Variants in EFTUD2 observed in about 807,000 individuals in gnomAD.
EFTUD2 encodes elongation factor Tu GTP binding domain containing 2.
EFTUD2 carries 9 observed loss-of-function variants against 114.3 expected under a neutral mutation model. That is an observed-to-expected ratio of 0.08 (90% CI 0.05 to 0.14). The LOEUF is 0.14. EFTUD2 is among the 10% of genes least tolerant of loss of function. EFTUD2 has a pLI of 1.00. For missense variants in EFTUD2, 765 were observed against 1,241.2 expected, an observed-to-expected ratio of 0.62 and a Z score of 5.76; for synonymous variants, 449 against 462.3, an observed-to-expected ratio of 0.97 and a Z score of 0.37.
chr17:44,852,177 A>G (rs1369187135), intron 26 of EFTUD2, among the ~76,000 whole-genome samples: 1 of 151,876 alleles, frequency 6.6e-6, no homozygotes, highest in Admixed American at 6.6e-5. Context: ...TCAGCCTCCC[A>G]AAGTGCTGGG....
intron 19 of EFTUD2, 25 bp from the exon 20 acceptor site, chr17:44,857,182 G>C (rs1195578142): frequency 6.2e-7 from 1 of 1,606,800 alleles, no homozygotes; most frequent in Admixed American, 1.7e-5. Flanking sequence ...ATAAATTACT[G>C]AAGCGAGGTC....
Position 44,850,461 on chromosome 17 carries a change from G to A in EFTUD2, c.*813C>T, listed in dbSNP as rs1479507410. The A allele has an allele frequency of 4.1e-6, 5 of 1,227,914 alleles. No homozygotes were observed. In the South Asian group the frequency reaches 5.0e-5, roughly 12 times the overall value. 76.1% of individuals were successfully genotyped at this position (1,227,914 alleles called of 1,614,324 possible). ...CAATCCCTGGTACATTCCTAATAAA[G>A]CAGTTTTGAGGAAAATCAACAGACT... On this transcript the variant is annotated 3_prime_UTR_variant, in exon 28 of 28. Transcript: ENST00000426333.
At position 44,859,929 on chromosome 17, in the gene EFTUD2, CTTG is replaced by C; in HGVS notation, c.1833_1835del (p.Asn611del). On this transcript the variant is annotated inframe_deletion, in exon 18 of 28. Transcript: ENST00000426333. ...CCTTGGTGGTGAGGGATGGATAGCT[CTTG>C]TTGACCTTGCGCAGGCCATCAAGCA... is the stretch of plus-strand genomic sequence containing the variant. 6.2e-7 allele frequency: 1 copy of C among 1,614,162 alleles called. No individual in the cohort carries two copies. The highest frequency in any genetic ancestry group is 8.5e-7 in the Non-Finnish European group (1 of 1,180,038).
At chr17:44,894,383 AGAGT>A in intron 2 of EFTUD2, 30 bp downstream of exon 2, 2 of 1,498,342 alleles carry the variant, frequency 1.3e-6, no homozygotes, top group Admixed American at 3.3e-5. Flanking sequence ...AAAATAAATA[AGAGT>A]GAGATAAAAG....
intron 9 of EFTUD2, among the ~76,000 whole-genome samples, chr17:44,878,143 A>C (rs2051002606): frequency 6.6e-6 from 1 of 151,998 alleles, no homozygotes; most frequent in Non-Finnish European, 1.5e-5. Context: ...CTCAAAACCA[A>C]AACAAAACAG....
chr17:44,867,925 C>T, intron 12 of EFTUD2, 28 bp from the exon 13 acceptor site: 1 of 1,553,536 alleles, frequency 6.4e-7, no homozygotes, highest in Non-Finnish European at 8.7e-7. Context: ...TTCTGAGTGA[C>T]CCAGGGGAAA....
chr17:44,858,373 C>G (rs766350639), intron 19 of EFTUD2, among the ~76,000 whole-genome samples: 1 of 151,770 alleles, frequency 6.6e-6, no homozygotes, highest in African/African-American at 2.4e-5. Flanking sequence ...GTAGCTGGGA[C>G]TATAGGTGCA....
At chr17:44,872,648 C>T (rs1296658723) in intron 10 of EFTUD2, 78 bp from the exon 11 acceptor site, 7 of 1,477,582 alleles carry the variant, frequency 4.7e-6, no homozygotes, top group South Asian at 4.0e-5. Context: ...GGCAGGAACT[C>T]GGTATCACAG....
chr17:44,892,732 G>A (rs1314106732), intron 2 of EFTUD2, among the ~76,000 whole-genome samples: 3 of 149,764 alleles, frequency 2.0e-5, no homozygotes, highest in African/African-American at 7.4e-5. Context: ...CTACCTCCCG[G>A]GTTCAAGCAA....
intron 2 of EFTUD2, chr17:44,894,119 T>C (rs931673973): frequency 1.1e-5 from 3 of 280,400 alleles, no homozygotes; most frequent in Non-Finnish European, 2.0e-5. Context: ...CTCATGCCTG[T>C]AATCCTAGCA....
intron 2 of EFTUD2, among the ~76,000 whole-genome samples, chr17:44,893,303 A>G (rs2051316083): frequency 6.6e-6 from 1 of 152,134 alleles, no homozygotes. Context: ...TTGTATTTTT[A>G]GTAGAGACGG....
chr17:44,855,325 G>A (rs1453500081), intron 20 of EFTUD2, among the ~76,000 whole-genome samples: 1 of 152,176 alleles, frequency 6.6e-6, no homozygotes, highest in African/African-American at 2.4e-5. Context: ...CATTTTGGGA[G>A]GCCGAGGTGG....
chr17:44,896,877 G>A (rs1190417266), intron 1 of EFTUD2, among the ~76,000 whole-genome samples: 2 of 152,138 alleles, frequency 1.3e-5, no homozygotes, highest in East Asian at 1.9e-4. Context: ...AATCCTCACT[G>A]AATAAATGGT....
intron 4 of EFTUD2, among the ~76,000 whole-genome samples, chr17:44,884,493 T>C (rs1161046969): frequency 3.4e-5 from 5 of 147,292 alleles, no homozygotes; most frequent in Non-Finnish European, 7.4e-5. Context: ...CACTCCAGCC[T>C]GGGCAACAGA....
intron 5 of EFTUD2, 42 bp downstream of exon 5, chr17:44,883,607 A>T (rs370201317): frequency 2.5e-6 from 4 of 1,585,152 alleles, no homozygotes; most frequent in Non-Finnish European, 3.5e-6. Flanking sequence ...AGCAGGTACA[A>T]AAGAGAAATC....
At chr17:44,884,479 AC>A (rs2051128983) in intron 4 of EFTUD2, among the ~76,000 whole-genome samples, 1 of 151,276 alleles carries the variant, frequency 6.6e-6, no homozygotes, top group Non-Finnish European at 1.5e-5. Flanking sequence ...AGATCATGCC[AC>A]TGCACTCCAG....
chr17:44,876,505 A>G (rs963991284), intron 9 of EFTUD2, among the ~76,000 whole-genome samples: 1 of 152,196 alleles, frequency 6.6e-6, no homozygotes, highest in African/African-American at 2.4e-5. Context: ...GAGAGGGCCT[A>G]GAAGCAATGT....
intron 2 of EFTUD2, among the ~76,000 whole-genome samples, chr17:44,887,974 T>G (rs145811860): frequency 5.9e-5 from 9 of 152,334 alleles, no homozygotes; most frequent in Non-Finnish European, 8.8e-5. Context: ...TAATATGTGC[T>G]AAGCACTGTT....
chr17:44,852,568 A>G lies in EFTUD2; in HGVS notation c.2562-6T>C. ...CATCCTGAGTCACGTGCCCCCTGAGACAGAAAAACAAAGGCTGAGCCTCTA... is the reference window on the plus strand; with the variant it reads ...CATCCTGAGTCACGTGCCCCCTGAGGCAGAAAAACAAAGGCTGAGCCTCTA... On this transcript the variant is annotated splice_polypyrimidine_tract_variant and splice_region_variant and intron_variant, in intron 25 of 27. Coordinates refer to ENST00000426333, the MANE Select transcript of EFTUD2 (RefSeq NM_004247.4). 6.2e-7 allele frequency: 1 copy of G among 1,613,656 alleles called. No individual in the cohort carries two copies. Among genetic ancestry groups the G allele is most frequent in the Non-Finnish European group, 8.5e-7 (1 of 1,179,732 alleles).
Sources: gnomAD v4.1 joint callset for allele counts (sites outside exome capture counted in the v4.1 genomes callset) on GRCh38, gnomAD v4.1.1 for gene constraint, MANE v1.5 for transcripts, NCBI Gene and HGNC (gene_info 2026-07-23, HGNC 2026-07-21) for gene names.